LHCGR: variants seen among roughly 807,000 people sequenced by gnomAD.
LHCGR encodes the protein lutropin-choriogonadotropic hormone receptor.
LHCGR carries 55 observed loss-of-function variants against 60.7 expected under a neutral mutation model. The observed-to-expected ratio is 0.91, with a 90% confidence interval of 0.73 to 1.13. The LOEUF is 1.13. Ranked by LOEUF, LHCGR falls within the 50% of genes most tolerant of loss-of-function variation. The probability of loss-of-function intolerance (pLI) is 0.00; values close to 1 mark genes in which losing one functional copy is unlikely to be tolerated. For missense variants in LHCGR, 862 were observed against 836.0 expected, an observed-to-expected ratio of 1.03 and a Z score of -0.38; for synonymous variants, 337 against 316.5, an observed-to-expected ratio of 1.06 and a Z score of -0.69.
chr2:48,724,943 T>A (rs1668654160), intron 4 of LHCGR, among the ~76,000 whole-genome samples: 1 of 152,144 alleles, frequency 6.6e-6, no homozygotes, highest in African/African-American at 2.4e-5. Context: ...GGCTTTACAT[T>A]CTCTGAGGAG....
intron 1 of LHCGR, among the ~76,000 whole-genome samples, chr2:48,752,722 CTT>C (rs1670012298): frequency 6.6e-6 from 1 of 151,886 alleles, no homozygotes; most frequent in Non-Finnish European, 1.5e-5. Flanking sequence ...GGACTCAAAA[CTT>C]CTTATTCTTT....
intron 3 of LHCGR, among the ~76,000 whole-genome samples, chr2:48,728,258 C>T (rs1209887929): frequency 2.0e-5 from 3 of 152,072 alleles, no homozygotes; most frequent in African/African-American, 7.2e-5. Context: ...TCCATTCCTT[C>T]CCCTGGACGA....
intron 3 of LHCGR, among the ~76,000 whole-genome samples, chr2:48,727,745 C>T (rs1482685615): frequency 2.0e-5 from 3 of 152,240 alleles, no homozygotes; most frequent in African/African-American, 7.2e-5. Flanking sequence ...GGTGAGTAGT[C>T]TCACTTCCCT....
chr2:48,713,916 G>C, intron 7 of LHCGR, 70 bp downstream of exon 7: 2 of 1,199,194 alleles, frequency 1.7e-6, no homozygotes, highest in Non-Finnish European at 2.5e-6. Context: ...GCTGAAGATT[G>C]AATGTGATCT....
intron 8 of LHCGR, among the ~76,000 whole-genome samples, chr2:48,700,368 A>C (rs1376321340): frequency 6.6e-6 from 1 of 152,140 alleles, no homozygotes; most frequent in African/African-American, 2.4e-5. Flanking sequence ...GGTGGAGTGG[A>C]TGCTTTTAGA....
At chr2:48,745,425 A>G (rs1389617284) in intron 1 of LHCGR, among the ~76,000 whole-genome samples, 1 of 152,190 alleles carries the variant, frequency 6.6e-6, no homozygotes. Context: ...TATTCACAAT[A>G]GCAAAGACTT....
At chr2:48,728,081 T>G in intron 3 of LHCGR, among the ~76,000 whole-genome samples, 1 of 99,884 alleles carries the variant, frequency 1.0e-5, no homozygotes, top group Non-Finnish European at 1.9e-5. Context: ...TCTTAAAACA[T>G]TATGAGTTTT....
intron 9 of LHCGR, among the ~76,000 whole-genome samples, chr2:48,696,283 C>G (rs960255051): frequency 1.3e-5 from 2 of 152,176 alleles, no homozygotes; most frequent in African/African-American, 4.8e-5. Flanking sequence ...CAAGGTTTAT[C>G]AACTGCATTC....
rs1453292741 is a variant in LHCGR, at chr2:48,729,240, G to A, written c.234-13C>T. Reference sequence around the variant, plus strand: ...CTGAGAGATTTCACTAGGGAAGAGAGGAGGGGGAAAAAGAGAAAGAAACAT... The same window carrying A: ...CTGAGAGATTTCACTAGGGAAGAGAAGAGGGGGAAAAAGAGAAAGAAACAT... On this transcript the variant is annotated splice_polypyrimidine_tract_variant and intron_variant, in intron 2 of 10. Transcript: ENST00000294954. The A allele has an allele frequency of 6.3e-7, 1 of 1,585,522 alleles. No individual in the cohort carries two copies. The highest frequency in any genetic ancestry group is 8.6e-7 in the Non-Finnish European group (1 of 1,157,350).
At chr2:48,690,237 G>T (rs1316558198) in intron 10 of LHCGR, among the ~76,000 whole-genome samples, 3 of 152,154 alleles carry the variant, frequency 2.0e-5, no homozygotes, top group African/African-American at 7.2e-5. Context: ...TCCTTGGTCT[G>T]GGTTCTGCCT....
chr2:48,730,749 T>C (rs770295140), intron 2 of LHCGR, among the ~76,000 whole-genome samples: 39 of 152,358 alleles, frequency 2.6e-4, no homozygotes, highest in Non-Finnish European at 5.0e-4. Context: ...ATCCAGGTGC[T>C]TTACACTTTT....
intron 1 of LHCGR, among the ~76,000 whole-genome samples, chr2:48,735,774 G>T (rs1379209098): frequency 6.6e-6 from 1 of 152,076 alleles, no homozygotes; most frequent in Admixed American, 6.5e-5. Flanking sequence ...GGTGGCTGAA[G>T]CTCTCAGCTG....
rs765430333 is a variant in LHCGR at position 48,731,205 on chromosome 2, T to C, written c.233+22A>G. On this transcript the variant is annotated intron_variant, in intron 2 of 10. Transcript: ENST00000294954. ...CATTATTCCAATTACGAATGTCTTT[T>C]GATATGCAGTAACTTACTTACATTT... 16 of 1,496,564 alleles carry C rather than the reference T, an allele frequency of 1.1e-5. No homozygotes were observed. The East Asian group carries it at 3.4e-4, about 32-fold the overall frequency. 92.7% of individuals were successfully genotyped at this position (1,496,564 alleles called of 1,614,324 possible). A position where few individuals can be genotyped will look rare whatever the true frequency, so the allele number is the denominator to read the frequency against.
intron 8 of LHCGR, among the ~76,000 whole-genome samples, chr2:48,702,595 T>C (rs528148273): frequency 1.3e-5 from 2 of 152,220 alleles, no homozygotes; most frequent in African/African-American, 4.8e-5. Flanking sequence ...CATGAACTTA[T>C]CCTTTTTTAT....
intron 3 of LHCGR, among the ~76,000 whole-genome samples, chr2:48,726,072 G>C (rs1355619247): frequency 1.3e-5 from 2 of 152,020 alleles, no homozygotes; most frequent in Non-Finnish European, 2.9e-5. Flanking sequence ...TGGCCAAGCA[G>C]ATTCTGCCCC....
intron 8 of LHCGR, among the ~76,000 whole-genome samples, chr2:48,699,033 C>A (rs1336021324): frequency 6.6e-6 from 1 of 151,976 alleles, no homozygotes; most frequent in Non-Finnish European, 1.5e-5. Flanking sequence ...ACCGTGTTAG[C>A]CAGGATGGTG....
Position 48,688,820 on chromosome 2 carries a change from A to T in LHCGR, c.977T>A (p.Leu326Gln), listed in dbSNP as rs899882970. 6.2e-7 allele frequency: 1 copy of T among 1,614,058 alleles called. No individual in the cohort carries two copies. Among genetic ancestry groups the T allele is most frequent in the African/African-American group, 1.3e-5 (1 of 74,922 alleles). The change falls in exon 11 of 11, where the codon CTG (leucine) becomes CAG (glutamine). Residue 326 changes from leucine (L) to glutamine (Q), a missense_variant. By Grantham distance (113) the Leu-to-Gln change is moderately radical. Transcript: ENST00000294954. This position sits in a 1 kb window ranked among gnomAD's most constrained non-coding sequence, Gnocchi z 5.2. ...LYSSMLAESE[L>Q]SGWDYEYGFC... is the part of the protein sequence containing the mutation. ...ACCATATTCATAGTCCCAGCCACTCAGTTCACTCTCAGCAAGCATGGAAGA... is the reference window on the plus strand; with the variant it reads ...ACCATATTCATAGTCCCAGCCACTCTGTTCACTCTCAGCAAGCATGGAAGA...
At chr2:48,740,378 C>A (rs376027484) in intron 1 of LHCGR, among the ~76,000 whole-genome samples, 1 of 152,242 alleles carries the variant, frequency 6.6e-6, no homozygotes, top group Non-Finnish European at 1.5e-5. Context: ...TAGGCTCCAC[C>A]TCTGGGGGCA....
intron 8 of LHCGR, among the ~76,000 whole-genome samples, chr2:48,704,740 C>T (rs1309907335): frequency 3.9e-5 from 6 of 152,166 alleles, no homozygotes; most frequent in Non-Finnish European, 8.8e-5. Flanking sequence ...GTAATATCCC[C>T]TTTATCATTT....
Sources: gnomAD v4.1 joint callset for allele counts (sites outside exome capture counted in the v4.1 genomes callset) on GRCh38, gnomAD v4.1.1 for gene constraint, Gnocchi (gnomAD v3.1) non-coding constraint, MANE v1.5 for transcripts, NCBI Gene and HGNC (gene_info 2026-07-23, HGNC 2026-07-21) for gene names.